The following TTN variants were observed in gnomAD, a reference collection of about 807,000 sequenced individuals.
TTN encodes titin, also known as connectin.
In TTN, 1,525 loss-of-function variants were observed where a neutral mutation model predicts 3,223.0. The ratio of observed to expected loss-of-function variants is 0.47; its 90% CI spans 0.45 to 0.49. TTN has a LOEUF of 0.49. Among genes scored for constraint, TTN ranks in the 20% least tolerant of loss-of-function variants. The pLI is 0.00. For missense variants in TTN, 40,786 were observed against 43,424.0 expected (o/e 0.94, Z 5.40); for synonymous variants, 14,094 against 15,161.0 (o/e 0.93, Z 5.17).
chr2:178,581,404 T>C, intron 316 of TTN, 95 bp downstream of exon 316: 1 of 1,089,586 alleles, frequency 9.2e-7, no homozygotes, highest in East Asian at 2.6e-5. Context: ...CTCTACACCT[T>C]GTTAATAAAT....
Position 178,735,821 on chromosome 2 carries a change from T to C in TTN, c.14625A>G (p.Ala4875=). The C allele has an allele frequency of 6.2e-7, 1 of 1,613,766 alleles. No homozygotes were observed. The highest frequency in any genetic ancestry group is 1.7e-5 in the Admixed American group (1 of 60,010). The change falls in exon 50 of 363, where the codon GCA becomes GCG. Residue 4875 remains alanine (A), a synonymous_variant. Coordinates refer to ENST00000589042, the MANE Select transcript of TTN (RefSeq NM_001267550.2). The part of the protein sequence containing the change: ...YSCKASNKFG[A]DICQAELIII... ...TGATCAACTCTGCTTGGCAGATGTC[T>C]GCTCCAAACTTGTTGGAAGCCTTAC...
At chr2:178,730,407 G>A (rs2080237873) in intron 61 of TTN, 36 bp from the exon 62 acceptor site, 1 of 1,552,870 alleles carries the variant, frequency 6.4e-7, no homozygotes, top group South Asian at 1.2e-5. Context: ...AAGAAAATAG[G>A]AAGTTTTATT....
intron 88 of TTN, 74 bp from the exon 89 acceptor site, chr2:178,715,848 A>T: frequency 7.0e-7 from 1 of 1,430,822 alleles, no homozygotes; most frequent in Non-Finnish European, 9.3e-7. Context: ...GGTGGAAAAA[A>T]TAATCTTTGC....
chr2:178,609,523 C>G lies in TTN; in HGVS notation c.51787G>C (p.Asp17263His). Residue 17263 changes from aspartate (D) to histidine (H), a missense_variant, in exon 273 of 363, where the codon GAT becomes CAT. Coordinates refer to ENST00000589042, the MANE Select transcript of TTN (RefSeq NM_001267550.2). ...LRTSLEVKRG[D>H]EIALDASISG... ...ATACTTGCATCAAGTGCTATTTCATCACCTCGTTTCACTTCTAGGCTTGTT... is the reference window on the plus strand; with the variant it reads ...ATACTTGCATCAAGTGCTATTTCATGACCTCGTTTCACTTCTAGGCTTGTT... The G allele has an allele frequency of 5.0e-6, 8 of 1,612,250 alleles. No individual in the cohort carries two copies. The highest frequency in any genetic ancestry group is 6.8e-6 in the Non-Finnish European group (8 of 1,178,924).
At chr2:178,605,795 G>A (rs1238138594) in intron 278 of TTN, 82 bp from the exon 279 acceptor site, 2 of 1,189,714 alleles carry the variant, frequency 1.7e-6, no homozygotes, top group Non-Finnish European at 2.2e-6. Flanking sequence ...ACTTAATTAT[G>A]TAAAAAATAG....
intron 146 of TTN, 141 bp downstream of exon 146, chr2:178,677,478 CAT>C (rs935783363): frequency 5.8e-5 from 50 of 863,648 alleles, no homozygotes; most frequent in Middle Eastern, 3.6e-4. Context: ...TAAGAACACA[CAT>C]GTCTGGAATG....
rs200061856 is a variant in TTN, at chr2:178,722,088, A to T, written c.22575T>A (p.Asp7525Glu). Residue 7525 changes from aspartate to glutamate, a missense_variant, in exon 78 of 363, where the codon GAT (aspartate) becomes GAA (glutamate). Physicochemically the swap from Asp to Glu is conservative, Grantham distance 45. Transcript: ENST00000589042. ...AATCAGCACTTTCTCCAGCAATAACATCTATAGATACAGGCTTGATGTCAA... is the reference window on the plus strand; with the variant it reads ...AATCAGCACTTTCTCCAGCAATAACTTCTATAGATACAGGCTTGATGTCAA... ...PFFDIKPVSIDVIAGESADFE... is the reference protein window; with the variant it reads ...PFFDIKPVSIEVIAGESADFE... 3.3e-5 allele frequency: 53 copies of T among 1,606,454 alleles called. No homozygotes were observed. The highest frequency in any genetic ancestry group is 3.9e-5 in the Non-Finnish European group (46 of 1,175,782).
chr2:178,606,133 G>A (rs185000128), intron 278 of TTN, among the ~76,000 whole-genome samples: 1 of 152,088 alleles, frequency 6.6e-6, no homozygotes, highest in East Asian at 2.0e-4. Context: ...GAGTCATGTT[G>A]CCTCACATGT....
Position 178,616,720 on chromosome 2 carries a change from G to T in TTN, c.48160+9C>A, listed in dbSNP as rs2057413537. On this transcript the variant is annotated intron_variant, in intron 256 of 362. Transcript: ENST00000589042. ...AATCACCTTAGATGATAAATGTTTTGTTCCTTACCAATTACATTGACATCA... is the reference window on the plus strand; with the variant it reads ...AATCACCTTAGATGATAAATGTTTTTTTCCTTACCAATTACATTGACATCA... The T allele has an allele frequency of 1.2e-6, 2 of 1,612,080 alleles. No homozygotes were observed. The highest frequency in any genetic ancestry group is 1.7e-5 in the Admixed American group (1 of 59,814).
intron 223 of TTN, among the ~76,000 whole-genome samples, chr2:178,638,556 C>CTT (rs879843623): frequency 1.4e-5 from 2 of 141,810 alleles, no homozygotes; most frequent in African/African-American, 5.1e-5. Flanking sequence ...AAATAGTTCT[C>CTT]TTTTTTTTTT....
At chr2:178,722,616 G>A (rs762562222) in intron 76 of TTN, 43 bp downstream of exon 76, 9 of 1,592,620 alleles carry the variant, frequency 5.7e-6, no homozygotes, top group Middle Eastern at 1.7e-4. Flanking sequence ...AGATACAAGA[G>A]TTAAGGAAAA....
At chr2:178,559,121 T>G (rs1702648060) in intron 326 of TTN, among the ~76,000 whole-genome samples, 190 bp downstream of exon 326, 1 of 151,970 alleles carries the variant, frequency 6.6e-6, no homozygotes, top group Non-Finnish European at 1.5e-5. Context: ...CTACGTAAAT[T>G]TCTGTTTTTT....
In TTN at chr2:178,735,769, C is replaced by A. The variant is rs1318308034; in HGVS notation, c.14677G>T (p.Glu4893Ter). 1 of 1,613,760 alleles carries A rather than the reference C, an allele frequency of 6.2e-7. No homozygotes were observed. Among genetic ancestry groups the A allele is most frequent in the South Asian group, 1.1e-5 (1 of 91,078 alleles). The change falls in exon 50 of 363, where the codon GAA becomes TAA. Residue 4893 changes from glutamate (E) to a stop codon, truncating the protein, a stop_gained. Coordinates refer to ENST00000589042, the MANE Select transcript of TTN (RefSeq NM_001267550.2). LOFTEE classifies it high-confidence loss of function. ...ATAGCGGACTGCACAGGCTCTAATT[C>A]TTTAATGAAATGTGGCTTATCAATG... ...IIIDKPHFIK[E>*]LEPVQSAINK... is the part of the protein sequence containing the mutation.
Position 178,577,067 on chromosome 2 carries a change from C to T in TTN, c.69268G>A (p.Val23090Ile). The T allele has an allele frequency of 1.2e-6, 2 of 1,613,344 alleles. No individual in the cohort carries two copies. Among genetic ancestry groups the T allele is most frequent in the Non-Finnish European group, 1.7e-6 (2 of 1,179,546 alleles). ...CTGCAAGACTGAATATCTTCAGAAA[C>T]CACTGTCCACAAAAGTCGGCTGGTT... ...RETSRLLWTV[V>I]SEDIQSCRHV... Residue 23090 changes from valine (V) to isoleucine (I), a missense_variant, in exon 324 of 363, where the codon GTT becomes ATT. By Grantham distance (29) the Val-to-Ile change is conservative. Coordinates refer to ENST00000589042, the MANE Select transcript of TTN (RefSeq NM_001267550.2).
rs771595253 is a variant in TTN at position 178,572,070 on chromosome 2, G to A, written c.74062C>T (p.Arg24688Cys). 55 of 1,613,070 alleles carry A rather than the reference G, an allele frequency of 3.4e-5. No homozygotes were observed. The highest frequency in any genetic ancestry group is 4.5e-5 in the East Asian group (2 of 44,684). ...GLIQGEEYSF[R>C]VSAQNEKGIS... ...CCCTTTTCATTCTGAGCTGAAACAC[G>A]GAAAGAGTATTCTTCACCCTGAATT... The change falls in exon 326 of 363, where the codon CGT (arginine) becomes TGT (cysteine). Residue 24688 changes from arginine (R) to cysteine (C), a missense_variant. Coordinates refer to ENST00000589042, the MANE Select transcript of TTN (RefSeq NM_001267550.2).
At chr2:178,768,188 T>C (rs1264963715) in intron 38 of TTN, 33 bp from the exon 39 acceptor site, 1 of 1,607,942 alleles carries the variant, frequency 6.2e-7, no homozygotes, top group Non-Finnish European at 8.5e-7. Flanking sequence ...ATTAACATTT[T>C]TAACAGCTTT....
rs879041803 is a variant in TTN at position 178,767,777 on chromosome 2, A to G, written c.9453T>C (p.Ser3151=). The change falls in exon 40 of 363, where the codon AGT becomes AGC. Residue 3151 remains serine, a synonymous_variant. Coordinates refer to ENST00000589042, the MANE Select transcript of TTN (RefSeq NM_001267550.2). ...FVEGRDVRIR[S]IKKEVQVIEK... Reference sequence around the variant, plus strand: ...ACAATACCTGAACCTCCTTTTTAATACTTCGGATGCGAACATCTCTGCCTT... The same window carrying G: ...ACAATACCTGAACCTCCTTTTTAATGCTTCGGATGCGAACATCTCTGCCTT... The G allele has an allele frequency of 6.2e-7, 1 of 1,614,062 alleles. No individual in the cohort carries two copies. Among genetic ancestry groups the G allele is most frequent in the African/African-American group, 1.3e-5 (1 of 74,950 alleles).
In TTN at chr2:178,756,517, T is replaced by G. The variant is rs1029197818; in HGVS notation, c.10959A>C (p.Lys3653Asn). The G allele has an allele frequency of 1.9e-6, 3 of 1,613,504 alleles. No individual in the cohort carries two copies. The highest frequency in any genetic ancestry group is 2.5e-6 in the Non-Finnish European group (3 of 1,179,694). The change falls in exon 46 of 363, where the codon AAA becomes AAC. Residue 3653 changes from lysine (K) to asparagine (N), a missense_variant. By Grantham distance (94) the Lys-to-Asn change is moderately conservative (BLOSUM62 0). Coordinates refer to ENST00000589042, the MANE Select transcript of TTN (RefSeq NM_001267550.2). Reference sequence around the variant, plus strand: ...TCTTGGGCGCCTCACCCGTGGACTCTTTAGCACATTCCTTAGATAGCTCAG... The same window carrying G: ...TCTTGGGCGCCTCACCCGTGGACTCGTTAGCACATTCCTTAGATAGCTCAG... The part of the protein sequence containing the change: ...ESTELSKECA[K>N]ESTGEAPKIF...
chr2:178,641,109 C>G (rs1576807291), intron 220 of TTN, 132 bp downstream of exon 220: 2 of 601,606 alleles, frequency 3.3e-6, no homozygotes, highest in South Asian at 4.5e-5. Context: ...CAATGGAAAA[C>G]AGAGACTACA....
Sources: allele counts gnomAD v4.1 joint callset (sites outside exome capture counted in the v4.1 genomes callset), GRCh38; gene constraint gnomAD v4.1.1; transcripts MANE v1.5; gene names NCBI Gene and HGNC (gene_info 2026-07-23, HGNC 2026-07-21).